AHCY: variants seen among roughly 807,000 people sequenced by gnomAD.
AHCY encodes adenosylhomocysteinase.
In AHCY, 24 loss-of-function variants were observed where a neutral mutation model predicts 45.4. That is an observed-to-expected ratio of 0.53 (90% CI 0.38 to 0.74). The LOEUF (loss-of-function observed/expected upper bound fraction) is 0.74, where lower values mean the gene tolerates loss of function less well. Among genes scored for constraint, AHCY ranks in the 30% least tolerant of loss-of-function variants. The pLI is 0.00. For missense variants in AHCY, 449 were observed against 594.1 expected (o/e 0.76, Z 2.54); for synonymous variants, 245 against 235.1 (o/e 1.04, Z -0.39).
At chr20:34,264,671 G>A in the AHCY span, among the ~76,000 whole-genome samples, 4 of 151,508 alleles carry the variant, frequency 2.6e-5, no homozygotes, top group East Asian at 3.9e-4. Context: ...GTAAACTTAC[G>A]GTATCAATAA....
Position 34,295,392 on chromosome 20 carries a change from C to T in AHCY, c.219+3G>A. The T allele has an allele frequency of 6.2e-7, 1 of 1,614,022 alleles. No individual in the cohort carries two copies. Among genetic ancestry groups the T allele is most frequent in the South Asian group, 1.1e-5 (1 of 91,050 alleles). ...TCTGGGGTGATACAGCTGTGGGCCT[C>T]ACCTCAGCACCCAGGGTGACGAGGG... On this transcript the variant is annotated splice_donor_region_variant and intron_variant, in intron 2 of 9. Coordinates refer to ENST00000217426, the MANE Select transcript of AHCY (RefSeq NM_000687.4).
At chr20:34,253,406 T>A in the AHCY span, among the ~76,000 whole-genome samples, 1 of 151,336 alleles carries the variant, frequency 6.6e-6, no homozygotes, top group African/African-American at 2.4e-5. Flanking sequence ...GCGCCCAGCC[T>A]GATCTCTCTT....
the AHCY span, among the ~76,000 whole-genome samples, chr20:34,252,723 TCTTTC>T: frequency 2.0e-5 from 3 of 152,110 alleles, no homozygotes; most frequent in Non-Finnish European, 2.9e-5. Context: ...GATGGTAAGG[TCTTTC>T]CTTTCCCACG....
At chr20:34,244,663 G>A in the AHCY span, among the ~76,000 whole-genome samples, 1 of 151,998 alleles carries the variant, frequency 6.6e-6, no homozygotes. Flanking sequence ...TAAGTTTTAC[G>A]CAAGGCTGGT....
intron 8 of AHCY, among the ~76,000 whole-genome samples, chr20:34,287,652 A>G (rs1007179272): frequency 6.6e-6 from 1 of 151,722 alleles, no homozygotes; most frequent in African/African-American, 2.4e-5. Flanking sequence ...TCGGCCTCCC[A>G]AAGTGCTGGA....
chr20:34,258,153 A>AAAG, the AHCY span, among the ~76,000 whole-genome samples: 1 of 151,832 alleles, frequency 6.6e-6, no homozygotes, highest in Admixed American at 6.6e-5. Context: ...TAAAAAAAAA[A>AAAG]AGAGAGAAAG....
upstream of AHCY, chr20:34,303,501 C>G: frequency 1.5e-6 from 1 of 683,902 alleles, no homozygotes; most frequent in Non-Finnish European, 2.5e-6. Flanking sequence ...AGGCGTGGCC[C>G]CAGGAGTCTC....
the AHCY span, among the ~76,000 whole-genome samples, chr20:34,235,543 A>T: frequency 6.6e-6 from 1 of 152,126 alleles, no homozygotes; most frequent in Non-Finnish European, 1.5e-5. Flanking sequence ...AATGACCTAG[A>T]TTGAAGACCA....
downstream of AHCY, among the ~76,000 whole-genome samples, chr20:34,277,378 A>G (rs531704546): frequency 1.8e-3 from 273 of 152,194 alleles, no homozygotes; most frequent in Non-Finnish European, 2.0e-3. Context: ...CCAAGATCCT[A>G]TGACTTCTCT....
the AHCY span, among the ~76,000 whole-genome samples, chr20:34,261,496 T>C: frequency 6.6e-6 from 1 of 152,132 alleles, no homozygotes; most frequent in Non-Finnish European, 1.5e-5. Context: ...TAACCAGGCA[T>C]GGTAGCATGC....
At chr20:34,268,931 A>T in the AHCY span, 1 of 1,547,974 alleles carries the variant, frequency 6.5e-7, no homozygotes, top group South Asian at 1.2e-5. Flanking sequence ...TCCCAGGCAG[A>T]GGTGAGGACC....
chr20:34,305,273 G>A (rs528436933), upstream of AHCY, among the ~76,000 whole-genome samples: 5 of 152,072 alleles, frequency 3.3e-5, no homozygotes, highest in South Asian at 1.0e-3. Context: ...GCAGTGAGCC[G>A]AGATCGCACC....
At position 34,300,586 on chromosome 20, in the gene AHCY, G is replaced by C. The variant is rs1437412343; in HGVS notation, c.28+2657C>G. Among the ~76,000 whole-genome samples, 3 of 151,996 alleles carry C rather than the reference G, an allele frequency of 2.0e-5. No individual in the cohort carries two copies. In the East Asian group the frequency reaches 5.8e-4, roughly 29 times the overall value. On this transcript the variant is annotated intron_variant, in intron 1 of 9. Transcript: ENST00000217426. Reference sequence around the variant, plus strand: ...CTAATACAGTACCTGGCACACAGTAGGTGCTGAAAAAAACCTGGAAACAGG... The same window carrying C: ...CTAATACAGTACCTGGCACACAGTACGTGCTGAAAAAAACCTGGAAACAGG...
the AHCY span, among the ~76,000 whole-genome samples, chr20:34,261,030 A>G: frequency 1.3e-5 from 2 of 152,186 alleles, no homozygotes; most frequent in Non-Finnish European, 2.9e-5. Context: ...TGAGGTGAGT[A>G]TGGTCTTTAT....
chr20:34,275,837 C>T (rs145903388), downstream of AHCY, among the ~76,000 whole-genome samples: 1,117 of 151,874 alleles, frequency 7.4e-3, 14 homozygotes, highest in African/African-American at 0.025. Flanking sequence ...TCACCATGCC[C>T]GGCTAATTTT....
chr20:34,293,660 T>C (rs541758236), intron 3 of AHCY: 24 of 345,618 alleles, frequency 6.9e-5, no homozygotes, highest in African/African-American at 5.1e-4. Flanking sequence ...AGCAGACATG[T>C]GCCCAGCCTG....
At position 34,280,802 on chromosome 20, in the gene AHCY, G is replaced by A. The variant is rs1334026775; in HGVS notation, c.*232C>T. ...AAGACCACTGAGCTCATGGTTCCCTGTGGCTGGGACCTCCATCATGACCGG... is the reference window on the plus strand; with the variant it reads ...AAGACCACTGAGCTCATGGTTCCCTATGGCTGGGACCTCCATCATGACCGG... On this transcript the variant is annotated 3_prime_UTR_variant, in exon 10 of 10. Transcript: ENST00000217426. 3.4e-6 allele frequency: 2 copies of A among 594,146 alleles called. No individual in the cohort carries two copies. The highest frequency in any genetic ancestry group is 6.2e-5 in the East Asian group (2 of 32,342). The allele number at this position is 594,146 out of a possible 1,614,324, so 36.8% of individuals were successfully genotyped here.
the AHCY span, among the ~76,000 whole-genome samples, chr20:34,252,432 G>A: frequency 1.3e-5 from 2 of 152,184 alleles, no homozygotes; most frequent in Admixed American, 6.6e-5. Flanking sequence ...TGTGCACGTA[G>A]GCTAGATTTA....
rs200713604 is a variant in AHCY, at chr20:34,291,503, C to T, written c.474G>A (p.Thr158=). ...PGIRGISEET[T]TGVHNLYKMM... is the part of the protein sequence containing the mutation. ...TCTTGTAGAGGTTGTGGACCCCAGT[C>T]GTGGTCTCCTCAGAGATGCCTCGGA... The change falls in exon 5 of 10, where the codon ACG becomes ACA. Residue 158 remains threonine (T), a synonymous_variant. Coordinates refer to ENST00000217426, the MANE Select transcript of AHCY (RefSeq NM_000687.4). The T allele has an allele frequency of 6.8e-6, 11 of 1,614,156 alleles. No individual in the cohort carries two copies. Among genetic ancestry groups the T allele is most frequent in the East Asian group, 4.5e-5 (2 of 44,886 alleles).
Sources: gnomAD v4.1 joint callset for allele counts (sites outside exome capture counted in the v4.1 genomes callset) on GRCh38, gnomAD v4.1.1 for gene constraint, MANE v1.5 for transcripts, NCBI Gene and HGNC (gene_info 2026-07-23, HGNC 2026-07-21) for gene names.